SPSB4: variants seen among roughly 807,000 people sequenced by gnomAD.
The protein encoded by SPSB4 is SPRY domain-containing SOCS box protein 4.
Under a neutral mutation model 20.9 loss-of-function variants are expected in SPSB4, and 21 were observed. That is an observed-to-expected ratio of 1.01 (90% confidence interval 0.71 to 1.45). The LOEUF is 1.45. Among genes scored for constraint, SPSB4 ranks in the 40% most tolerant of loss-of-function variants. The pLI is 0.00. For missense variants in SPSB4, 399 were observed against 399.2 expected, an observed-to-expected ratio of 1.00 and a Z score of 0.00; for synonymous variants, 207 against 183.8, an observed-to-expected ratio of 1.13 and a Z score of -1.02.
intron 2 of SPSB4, among the ~76,000 whole-genome samples, chr3:141,086,858 TG>T (rs1938353002): frequency 6.6e-6 from 1 of 152,168 alleles, no homozygotes; most frequent in Non-Finnish European, 1.5e-5. Flanking sequence ...ACATTCCTCT[TG>T]GGGAAACTGA....
chr3:141,121,788 CT>C (rs371461801), intron 2 of SPSB4, among the ~76,000 whole-genome samples: 438 of 152,322 alleles, frequency 2.9e-3, no homozygotes, highest in African/African-American at 0.01. Flanking sequence ...CATCTCTACA[CT>C]GTTTATTCTA....
intron 2 of SPSB4, among the ~76,000 whole-genome samples, chr3:141,095,413 G>T (rs1298170233): frequency 2.0e-5 from 3 of 152,086 alleles, no homozygotes; most frequent in Non-Finnish European, 2.9e-5. Context: ...GTCCTGGGGC[G>T]CAGAACAGAC....
intron 2 of SPSB4, among the ~76,000 whole-genome samples, chr3:141,102,851 C>G (rs1028473267): frequency 6.6e-6 from 1 of 152,188 alleles, no homozygotes; most frequent in Non-Finnish European, 1.5e-5. Context: ...CAAGAGAACA[C>G]TGCCTGGCAG....
At chr3:141,143,804 T>C (rs556434110) in intron 2 of SPSB4, among the ~76,000 whole-genome samples, 50 of 152,362 alleles carry the variant, frequency 3.3e-4, no homozygotes, top group Non-Finnish European at 6.6e-4. Flanking sequence ...TTTCACAGAA[T>C]TTGCAGTGGC....
In SPSB4 at chr3:141,066,176, G is replaced by A. The variant is rs757217226; in HGVS notation, c.72G>A (p.Arg24=). 1 of 1,532,268 alleles carries A rather than the reference G, an allele frequency of 6.5e-7. No homozygotes were observed. Among genetic ancestry groups the A allele is most frequent in the Non-Finnish European group, 8.8e-7 (1 of 1,141,612 alleles). The allele number at this position is 1,532,268 out of a possible 1,614,324, so 94.9% of individuals were successfully genotyped here. A position where few individuals can be genotyped will look rare whatever the true frequency, so the allele number is the denominator to read the frequency against. The change falls in exon 2 of 3, where the codon CGG becomes CGA. Residue 24 remains arginine, a synonymous_variant. Coordinates refer to ENST00000310546, the MANE Select transcript of SPSB4 (RefSeq NM_080862.3). The part of the protein sequence containing the change: ...VREPALRPAK[R]ELRGAEPGRP... ...AGCCGGCGCTGCGGCCGGCCAAGCG[G>A]GAGCTGCGGGGTGCAGAGCCCGGGC... is the stretch of plus-strand genomic sequence containing the variant.
At chr3:141,090,480 G>A (rs73872041) in intron 2 of SPSB4, among the ~76,000 whole-genome samples, 5,466 of 152,222 alleles carry the variant, frequency 0.036, 271 homozygotes, top group East Asian at 0.14. Flanking sequence ...TGAGAAACTC[G>A]TGGAGAAAGT....
At chr3:141,144,141 T>A (rs1000166769) in intron 2 of SPSB4, among the ~76,000 whole-genome samples, 2 of 152,178 alleles carry the variant, frequency 1.3e-5, no homozygotes, top group Admixed American at 1.3e-4. Flanking sequence ...TCTAAGCAGA[T>A]CCTATCAGAC....
At chr3:141,111,855 T>A (rs1223781918) in intron 2 of SPSB4, among the ~76,000 whole-genome samples, 1 of 152,322 alleles carries the variant, frequency 6.6e-6, no homozygotes, top group East Asian at 1.9e-4. Context: ...GCCATATTCA[T>A]TTCTCAGGAT....
intron 2 of SPSB4, among the ~76,000 whole-genome samples, chr3:141,123,145 A>G (rs999516491): frequency 2.0e-5 from 3 of 152,254 alleles, no homozygotes; most frequent in Non-Finnish European, 4.4e-5. Flanking sequence ...TGGATTAAAC[A>G]TAATCCTTAG....
intron 2 of SPSB4, among the ~76,000 whole-genome samples, chr3:141,089,693 G>T (rs1384567104): frequency 6.6e-6 from 1 of 152,190 alleles, no homozygotes; most frequent in Non-Finnish European, 1.5e-5. Context: ...TCAGGGTTGG[G>T]AACCAGATGA....
At chr3:141,123,408 G>A (rs949527906) in intron 2 of SPSB4, among the ~76,000 whole-genome samples, 10 of 152,076 alleles carry the variant, frequency 6.6e-5, no homozygotes, top group Admixed American at 5.9e-4. Context: ...TAGATTTTTT[G>A]TACACAGATG....
intron 2 of SPSB4, among the ~76,000 whole-genome samples, chr3:141,129,953 C>T (rs1374384946): frequency 1.3e-5 from 2 of 152,224 alleles, no homozygotes; most frequent in African/African-American, 4.8e-5. Context: ...CTTGTTGGCA[C>T]AGAGTTCATC....
intron 2 of SPSB4, among the ~76,000 whole-genome samples, chr3:141,074,695 A>T (rs1255935765): frequency 2.0e-5 from 3 of 152,198 alleles, no homozygotes; most frequent in Non-Finnish European, 4.4e-5. Context: ...ATGCATTCAC[A>T]AGGATACCCA....
chr3:141,118,531 T>C (rs1173011369), intron 2 of SPSB4, among the ~76,000 whole-genome samples: 1 of 152,244 alleles, frequency 6.6e-6, no homozygotes, highest in Non-Finnish European at 1.5e-5. Flanking sequence ...TTTGTTGCCA[T>C]TGCTTTTGGT....
intron 2 of SPSB4, among the ~76,000 whole-genome samples, chr3:141,080,871 A>C (rs1938217098): frequency 6.6e-6 from 1 of 152,256 alleles, no homozygotes; most frequent in Admixed American, 6.5e-5. Context: ...GTGTGGGATT[A>C]TAAAAGGCAG....
intron 2 of SPSB4, among the ~76,000 whole-genome samples, chr3:141,140,718 G>T (rs141472571): frequency 3.9e-5 from 6 of 152,174 alleles, no homozygotes; most frequent in Non-Finnish European, 4.4e-5. Context: ...GTACCCGGCC[G>T]TGTGAGGTGT....
At chr3:141,060,839 T>G (rs1426128346) in intron 1 of SPSB4, among the ~76,000 whole-genome samples, 2 of 152,256 alleles carry the variant, frequency 1.3e-5, no homozygotes, top group African/African-American at 4.8e-5. Context: ...GGCATTTCAA[T>G]GGAGTTCTAA....
intron 2 of SPSB4, among the ~76,000 whole-genome samples, chr3:141,138,275 C>T (rs1485613031): frequency 6.6e-6 from 1 of 152,144 alleles, no homozygotes; most frequent in Non-Finnish European, 1.5e-5. Context: ...TTGATCTTTT[C>T]AAAAAATCAG....
chr3:141,138,062 G>C (rs1046569046), intron 2 of SPSB4, among the ~76,000 whole-genome samples: 1 of 152,164 alleles, frequency 6.6e-6, no homozygotes, highest in Non-Finnish European at 1.5e-5. Flanking sequence ...TTTAGTCTTG[G>C]GAGAGTGTAT....
Sources: gnomAD v4.1 joint callset for allele counts (sites outside exome capture counted in the v4.1 genomes callset) on GRCh38, gnomAD v4.1.1 for gene constraint, MANE v1.5 for transcripts, NCBI Gene and HGNC (gene_info 2026-07-23, HGNC 2026-07-21) for gene names.